The following COL24A1 variants were observed in gnomAD, a reference collection of about 807,000 sequenced individuals.
COL24A1 encodes collagen type XXIV alpha 1 chain.
In COL24A1, 224 loss-of-function variants were observed where a neutral mutation model predicts 253.9. The observed-to-expected ratio is 0.88, with a 90% CI of 0.79 to 0.99. The LOEUF is 0.99. Ranked by LOEUF, COL24A1 falls within the 50% of genes least tolerant of loss-of-function variation. The probability of loss-of-function intolerance (pLI) is 0.00; values close to 1 mark genes in which losing one functional copy is unlikely to be tolerated. For missense variants in COL24A1, 2,131 were observed against 2,068.5 expected (o/e 1.03, Z -0.59); for synonymous variants, 685 against 673.7 (o/e 1.02, Z -0.26).
intron 47 of COL24A1, among the ~76,000 whole-genome samples, chr1:85,814,420 A>G (rs926087521): frequency 6.6e-6 from 1 of 152,250 alleles, no homozygotes; most frequent in Non-Finnish European, 1.5e-5. Context: ...TAGCCATTAA[A>G]TTACTATCCT....
rs550011978 is a variant in COL24A1 at position 86,142,295 on chromosome 1, G to A, written c.121+3824C>T. ...TCCCAGCACTTTGGGAGGCCGAGGC[G>A]GGAGGATCACGAGATCAGGAGATCG... On this transcript the variant is annotated intron_variant, in intron 2 of 59. Transcript: ENST00000370571. Among the ~76,000 whole-genome samples, 40 of 151,978 alleles carry A rather than the reference G, an allele frequency of 2.6e-4. 1 individual carries two copies. The highest frequency in any genetic ancestry group is 3.4e-3 in the Middle Eastern group (1 of 294).
At chr1:85,742,341 C>A (rs1474006505) in intron 57 of COL24A1, among the ~76,000 whole-genome samples, 1 of 151,866 alleles carries the variant, frequency 6.6e-6, no homozygotes, top group Non-Finnish European at 1.5e-5. Context: ...ACCATGTTAG[C>A]CAGGATGGTC....
rs977249265 is a variant in COL24A1 at position 86,022,182 on chromosome 1, T to C, written c.2256+58A>G. The C allele has an allele frequency of 2.8e-6, 4 of 1,448,696 alleles. No individual in the cohort carries two copies. In the African/African-American group the frequency reaches 4.2e-5, roughly 15 times the overall value. 89.7% of individuals were successfully genotyped at this position (1,448,696 alleles called of 1,614,324 possible). ...CTACTTAGATCAACAGTGTCGAGAC[T>C]CATGCCATGACATGCACTCTGTCAA... On this transcript the variant is annotated intron_variant, in intron 18 of 59. Coordinates refer to ENST00000370571, the MANE Select transcript of COL24A1 (RefSeq NM_152890.7).
At chr1:85,825,258 A>C (rs7551155) in intron 43 of COL24A1, among the ~76,000 whole-genome samples, 6 of 152,054 alleles carry the variant, frequency 3.9e-5, no homozygotes, top group Admixed American at 6.6e-5. Context: ...TGAACTCATC[A>C]TTTTTTATGG....
At chr1:85,844,559 A>G (rs1676962797) in intron 39 of COL24A1, among the ~76,000 whole-genome samples, 2 of 152,070 alleles carry the variant, frequency 1.3e-5, no homozygotes, top group Non-Finnish European at 2.9e-5. Flanking sequence ...TGAAAAACAA[A>G]GTAGACACTT....
chr1:85,815,471 A>G (rs953431003), intron 47 of COL24A1, among the ~76,000 whole-genome samples: 4 of 152,170 alleles, frequency 2.6e-5, no homozygotes, highest in African/African-American at 9.7e-5. Context: ...ACCTGATGCC[A>G]TGAGGCTCTG....
At chr1:86,103,038 C>T (rs879081447) in intron 5 of COL24A1, among the ~76,000 whole-genome samples, 2 of 152,212 alleles carry the variant, frequency 1.3e-5, no homozygotes, top group Non-Finnish European at 2.9e-5. Context: ...TCTCTAAGAA[C>T]TTGCTTTATG....
chr1:85,891,436 A>G (rs2102757889), intron 31 of COL24A1, among the ~76,000 whole-genome samples: 1 of 152,274 alleles, frequency 6.6e-6, no homozygotes, highest in East Asian at 1.9e-4. Flanking sequence ...ATACCATTTT[A>G]CCTTAAAAAC....
chr1:85,889,661 GT>G, intron 31 of COL24A1, 48 bp from the exon 32 acceptor site: 1 of 1,510,560 alleles, frequency 6.6e-7, no homozygotes, highest in Non-Finnish European at 9.2e-7. Flanking sequence ...GTGTGAAGAT[GT>G]TTTAGACACT....
chr1:85,911,399 G>A lies in COL24A1; in HGVS notation c.2597C>T (p.Thr866Ile), dbSNP rs1385521779. 4.3e-6 allele frequency: 7 copies of A among 1,611,916 alleles called. No homozygotes were observed. Among genetic ancestry groups the A allele is most frequent in the Non-Finnish European group, 5.9e-6 (7 of 1,179,000 alleles). The change falls in exon 25 of 60, where the codon ACT becomes ATT. Residue 866 changes from threonine to isoleucine, a missense_variant. By Grantham distance (89) the Thr-to-Ile change is moderately conservative. Coordinates refer to ENST00000370571, the MANE Select transcript of COL24A1 (RefSeq NM_152890.7). The part of the protein sequence containing the change: ...PVGLPGEVGM[T>I]GSIGEKGERG... ...AATTACCTTTTCGCCAATGCTTCCAGTCATCCCAACTTCTCCAGGTAAGCC... is the reference window on the plus strand; with the variant it reads ...AATTACCTTTTCGCCAATGCTTCCAATCATCCCAACTTCTCCAGGTAAGCC...
chr1:86,088,083 T>C (rs1703200348), intron 7 of COL24A1, among the ~76,000 whole-genome samples: 1 of 152,216 alleles, frequency 6.6e-6, no homozygotes, highest in South Asian at 2.1e-4. Flanking sequence ...GGCTGACAAT[T>C]TATGTGACAC....
intron 43 of COL24A1, among the ~76,000 whole-genome samples, chr1:85,836,842 A>T (rs573910066): frequency 1.4e-4 from 21 of 152,326 alleles, no homozygotes; most frequent in African/African-American, 4.3e-4. Context: ...TTAGACAGTG[A>T]ACCTAGGGAA....
chr1:85,785,459 C>T (rs990279281), intron 48 of COL24A1, among the ~76,000 whole-genome samples: 1 of 152,164 alleles, frequency 6.6e-6, no homozygotes, highest in Admixed American at 6.5e-5. Context: ...CTCTCACTGT[C>T]TTGAGACAAA....
chr1:86,086,866 T>C (rs1475275144), intron 7 of COL24A1, among the ~76,000 whole-genome samples: 1 of 152,200 alleles, frequency 6.6e-6, no homozygotes, highest in African/African-American at 2.4e-5. Context: ...TTTTCCTAGT[T>C]ATACTTGTTT....
chr1:85,908,342 G>A (rs1685040459), intron 27 of COL24A1, among the ~76,000 whole-genome samples: 1 of 151,544 alleles, frequency 6.6e-6, no homozygotes, highest in Admixed American at 6.6e-5. Context: ...CCTTATATGT[G>A]GTTATTCAAA....
At chr1:85,808,431 C>G (rs1316209720) in intron 47 of COL24A1, among the ~76,000 whole-genome samples, 1 of 152,152 alleles carries the variant, frequency 6.6e-6, no homozygotes, top group Admixed American at 6.5e-5. Flanking sequence ...CAGCTACTGA[C>G]CTAGCAAAAA....
intron 53 of COL24A1, among the ~76,000 whole-genome samples, chr1:85,768,875 T>G (rs2101240469): frequency 6.6e-6 from 1 of 152,330 alleles, no homozygotes; most frequent in South Asian, 2.1e-4. Context: ...TAATTATGTA[T>G]CCGGTGCTAT....
chr1:86,010,568 C>T (rs1223884451), intron 19 of COL24A1, among the ~76,000 whole-genome samples: 2 of 152,094 alleles, frequency 1.3e-5, no homozygotes, highest in East Asian at 1.9e-4. Context: ...TATCTTCTTT[C>T]GACATAGCAA....
chr1:85,869,484 C>G (rs1037006689), intron 35 of COL24A1, among the ~76,000 whole-genome samples: 3 of 152,172 alleles, frequency 2.0e-5, no homozygotes, highest in African/African-American at 7.2e-5. Context: ...GCCCATCAGA[C>G]TAACAGCGGA....
Sources: gnomAD v4.1 joint callset for allele counts (sites outside exome capture counted in the v4.1 genomes callset) on GRCh38, gnomAD v4.1.1 for gene constraint, MANE v1.5 for transcripts, NCBI Gene and HGNC (gene_info 2026-07-23, HGNC 2026-07-21) for gene names.